Variants in AHCYL2 observed in about 807,000 individuals in gnomAD.
AHCYL2 encodes S-adenosylhomocysteine hydrolase-like protein 2.
Under a neutral mutation model 81.4 loss-of-function variants are expected in AHCYL2, and 28 were observed. The ratio of observed to expected loss-of-function variants is 0.34; its 90% confidence interval spans 0.25 to 0.47. The LOEUF is 0.47. Ranked by LOEUF, AHCYL2 falls within the 20% of genes least tolerant of loss-of-function variation. The pLI, the probability that AHCYL2 is intolerant of heterozygous loss-of-function variation, is 1.00. For synonymous variants in AHCYL2, 272 were observed against 290.2 expected (o/e 0.94, Z 0.64); for missense variants, 551 against 785.1 (o/e 0.70, Z 3.56).
intron 1 of AHCYL2, among the ~76,000 whole-genome samples, chr7:129,317,676 A>G (rs910209241): frequency 6.6e-6 from 1 of 152,138 alleles, no homozygotes; most frequent in Non-Finnish European, 1.5e-5. Flanking sequence ...TTCAGTGTTC[A>G]TGGGGTTGGT....
At chr7:129,383,647 T>C (rs765289024) in intron 2 of AHCYL2, among the ~76,000 whole-genome samples, 37 of 152,198 alleles carry the variant, frequency 2.4e-4, no homozygotes, top group Admixed American at 2.6e-4. Context: ...CTAAAGTTCT[T>C]ACAATGGCCT....
At chr7:129,402,301 G>C (rs578030900) in intron 6 of AHCYL2, among the ~76,000 whole-genome samples, 1 of 152,290 alleles carries the variant, frequency 6.6e-6, no homozygotes. Context: ...AGCAAGGTTT[G>C]AGTGAGAGAA....
At chr7:129,403,870 A>G (rs899156527) in intron 7 of AHCYL2, among the ~76,000 whole-genome samples, 4 of 142,428 alleles carry the variant, frequency 2.8e-5, no homozygotes, top group South Asian at 4.3e-4. Context: ...CAAAAAAAAA[A>G]AAAAAAAAAA....
At chr7:129,243,747 A>G (rs951534246) in intron 1 of AHCYL2, among the ~76,000 whole-genome samples, 2 of 151,038 alleles carry the variant, frequency 1.3e-5, no homozygotes, top group Non-Finnish European at 3.0e-5. Context: ...ACGCCCAGCT[A>G]ATTTTTGTAT....
rs763503915 is a variant in AHCYL2 at position 129,430,067 on chromosome 7, C to G, written c.*3022C>G. Reference sequence around the variant, plus strand: ...TATCTATATACGTAATCATCTAGTTCTGTCATCTTACTGAAAGGAATAACA... The same window carrying G: ...TATCTATATACGTAATCATCTAGTTGTGTCATCTTACTGAAAGGAATAACA... On this transcript the variant is annotated 3_prime_UTR_variant, in exon 17 of 17. Coordinates refer to ENST00000325006, the MANE Select transcript of AHCYL2 (RefSeq NM_015328.4). 1.6e-4 allele frequency: 24 copies of G among 151,736 alleles called. No individual in the cohort carries two copies. Among genetic ancestry groups the G allele is most frequent in the Non-Finnish European group, 2.4e-4 (16 of 67,900 alleles). The allele number at this position is 151,736 out of a possible 1,614,324, so 9.4% of individuals were successfully genotyped here.
chr7:129,368,231 G>A lies in AHCYL2; in HGVS notation c.364-11407G>A. On this transcript the variant is annotated intron_variant, in intron 1 of 16. Coordinates refer to ENST00000325006, the MANE Select transcript of AHCYL2 (RefSeq NM_015328.4). This position sits in a 1 kb window ranked among gnomAD's most constrained non-coding sequence, Gnocchi z 4.4. ...GTGCCCTGTGAGAAGCACAGTGCCT[G>A]GGTGCAGCACTTTGCATCAGCTCTG... 1 of 1,332,756 alleles carries A rather than the reference G, an allele frequency of 7.5e-7. No individual in the cohort carries two copies. Among genetic ancestry groups the A allele is most frequent in the Non-Finnish European group, 9.6e-7 (1 of 1,040,176 alleles). 82.6% of individuals were successfully genotyped at this position (1,332,756 alleles called of 1,614,324 possible).
chr7:129,347,060 C>T (rs1793385521), intron 1 of AHCYL2, among the ~76,000 whole-genome samples: 1 of 152,036 alleles, frequency 6.6e-6, no homozygotes, highest in Non-Finnish European at 1.5e-5. Context: ...TGTATGATTC[C>T]AAATATGTGA....
chr7:129,231,153 A>G (rs1233350606), intron 1 of AHCYL2, among the ~76,000 whole-genome samples: 1 of 151,956 alleles, frequency 6.6e-6, no homozygotes, highest in African/African-American at 2.4e-5. Flanking sequence ...AATCACTTGA[A>G]TGCTTGAATG....
intron 1 of AHCYL2, among the ~76,000 whole-genome samples, chr7:129,348,290 T>A (rs1029173081): frequency 6.6e-6 from 1 of 152,142 alleles, no homozygotes; most frequent in Admixed American, 6.6e-5. Context: ...GAGGCAACTC[T>A]GTATATGGAT....
chr7:129,280,803 C>T (rs530323621), intron 1 of AHCYL2, among the ~76,000 whole-genome samples: 48 of 150,296 alleles, frequency 3.2e-4, no homozygotes, highest in African/African-American at 1.1e-3. Context: ...AATGCATTTT[C>T]TGTATCTATT....
intron 4 of AHCYL2, among the ~76,000 whole-genome samples, chr7:129,391,740 C>T (rs1795480374): frequency 6.6e-6 from 1 of 152,230 alleles, no homozygotes; most frequent in African/African-American, 2.4e-5. Flanking sequence ...AAGCACAACA[C>T]TTATGTGGTC....
At chr7:129,387,305 A>G (rs1269155618) in intron 2 of AHCYL2, among the ~76,000 whole-genome samples, 1 of 152,282 alleles carries the variant, frequency 6.6e-6, no homozygotes, top group Non-Finnish European at 1.5e-5. Context: ...TAATAGATGC[A>G]TAACTAAAAT....
intron 1 of AHCYL2, among the ~76,000 whole-genome samples, chr7:129,374,908 C>T (rs1052843878): frequency 6.6e-6 from 1 of 151,540 alleles, no homozygotes; most frequent in Admixed American, 6.6e-5. Context: ...ATCACTTTCC[C>T]CCCAATCTCT....
chr7:129,424,762 C>T, intron 13 of AHCYL2, 112 bp from the exon 14 acceptor site: 2 of 1,082,318 alleles, frequency 1.8e-6, no homozygotes, highest in Non-Finnish European at 1.4e-6. Context: ...TTTTTTCCAG[C>T]AGTGTTAGTC....
At chr7:129,341,299 T>C (rs536293200) in intron 1 of AHCYL2, among the ~76,000 whole-genome samples, 70 of 152,232 alleles carry the variant, frequency 4.6e-4, no homozygotes, top group African/African-American at 1.6e-3. Context: ...AGAAACTAGG[T>C]AGATAAAGGC....
At chr7:129,299,307 G>A (rs1797165933) in intron 1 of AHCYL2, among the ~76,000 whole-genome samples, 1 of 141,290 alleles carries the variant, frequency 7.1e-6, no homozygotes, top group Admixed American at 7.2e-5. Flanking sequence ...AAAACTATCC[G>A]GGCATAGTGG....
chr7:129,388,943 A>T, intron 2 of AHCYL2, 113 bp from the exon 3 acceptor site: 1 of 1,291,584 alleles, frequency 7.7e-7, no homozygotes, highest in East Asian at 2.5e-5. Context: ...TAACAGAGGT[A>T]AAAAAATTTA....
intron 1 of AHCYL2, among the ~76,000 whole-genome samples, chr7:129,378,347 AG>A (rs1309836957): frequency 6.6e-6 from 1 of 152,180 alleles, no homozygotes; most frequent in Non-Finnish European, 1.5e-5. Flanking sequence ...AGTACTGGAA[AG>A]CTAACTAATA....
chr7:129,251,402 G>A (rs546261197), intron 1 of AHCYL2, among the ~76,000 whole-genome samples: 11 of 144,110 alleles, frequency 7.6e-5, no homozygotes, highest in Non-Finnish European at 1.4e-4. Flanking sequence ...AGTGATTAGT[G>A]TAAACTGGCT....
Sources: allele counts gnomAD v4.1 joint callset (sites outside exome capture counted in the v4.1 genomes callset), GRCh38; gene constraint gnomAD v4.1.1; non-coding constraint Gnocchi (gnomAD v3.1); transcripts MANE v1.5; gene names NCBI Gene and HGNC (gene_info 2026-07-23, HGNC 2026-07-21).